MOSMO: variants seen among roughly 807,000 people sequenced by gnomAD.
MOSMO encodes modulator of smoothened protein.
A neutral mutation model predicts 18.4 loss-of-function variants in MOSMO; 5 were observed. The observed-to-expected ratio is 0.27, with a 90% confidence interval of 0.14 to 0.57. MOSMO has a LOEUF of 0.57. Ranked by LOEUF, MOSMO falls within the 20% of genes least tolerant of loss-of-function variation. MOSMO has a pLI of 0.92. For missense variants in MOSMO, 138 were observed against 211.8 expected, an observed-to-expected ratio of 0.65 and a Z score of 2.16; for synonymous variants, 82 against 82.3, an observed-to-expected ratio of 1.00 and a Z score of 0.02.
intron 1 of MOSMO, among the ~76,000 whole-genome samples, chr16:22,020,699 G>A (rs1899742631): frequency 2.0e-5 from 3 of 152,178 alleles, no homozygotes; most frequent in African/African-American, 7.2e-5. Context: ...AGTCCATGTT[G>A]TAGTTGAAAT....
chr16:22,074,336 A>G (rs1194387046), intron 1 of MOSMO, among the ~76,000 whole-genome samples: 2 of 152,190 alleles, frequency 1.3e-5, no homozygotes, highest in African/African-American at 2.4e-5. Context: ...CTGGAAGGCC[A>G]AGGCGGGAGG....
intron 1 of MOSMO, among the ~76,000 whole-genome samples, chr16:22,028,198 C>T (rs1211077063): frequency 6.6e-6 from 1 of 152,018 alleles, no homozygotes; most frequent in Non-Finnish European, 1.5e-5. Context: ...ATACCAAACA[C>T]ACGTGTGCGT....
At chr16:22,065,203 C>T (rs1900726544) in intron 1 of MOSMO, among the ~76,000 whole-genome samples, 1 of 152,144 alleles carries the variant, frequency 6.6e-6, no homozygotes, top group Admixed American at 6.5e-5. Flanking sequence ...CTCCAAACTA[C>T]AGTCATGCTT....
rs1301953931 is a variant in MOSMO at position 22,084,566 on chromosome 16, CT to C, written c.*3687del. The C allele has an allele frequency of 6.6e-6, 1 of 152,134 alleles. No homozygotes were observed. Among genetic ancestry groups the C allele is most frequent in the Non-Finnish European group, 1.5e-5 (1 of 68,020 alleles). 9.4% of individuals were successfully genotyped at this position (152,134 alleles called of 1,614,324 possible). On this transcript the variant is annotated 3_prime_UTR_variant, in exon 3 of 3. Coordinates refer to ENST00000542527, the MANE Select transcript of MOSMO (RefSeq NM_001164579.2). Reference sequence around the variant, plus strand: ...GTTTCAAAACAAATTGTTAATACAACTGTATAAAATGAACATAATTTTCCTC... The same window carrying C: ...GTTTCAAAACAAATTGTTAATACAACGTATAAAATGAACATAATTTTCCTC...
At chr16:22,020,857 G>A (rs543850818) in intron 1 of MOSMO, among the ~76,000 whole-genome samples, 1 of 152,290 alleles carries the variant, frequency 6.6e-6, no homozygotes, top group Non-Finnish European at 1.5e-5. Context: ...TTCCTCCTAT[G>A]TGATATAGTT....
chr16:22,043,501 C>T (rs1376032677), intron 1 of MOSMO, among the ~76,000 whole-genome samples: 1 of 152,156 alleles, frequency 6.6e-6, no homozygotes, highest in Non-Finnish European at 1.5e-5. Context: ...ATTTATTGAG[C>T]ACCTCTTTTA....
chr16:22,085,944 T>C (rs1901164920), downstream of MOSMO: 1 of 152,168 alleles, frequency 6.6e-6, no homozygotes, highest in Non-Finnish European at 1.5e-5. Flanking sequence ...AAGAGATTTT[T>C]CACAAGACTA....
rs1900959990 is a variant in MOSMO, at chr16:22,075,988, G to C, written c.319+289G>C. 6 of 318,806 alleles carry C rather than the reference G, an allele frequency of 1.9e-5. No homozygotes were observed. The South Asian group carries it at 1.9e-4, about 10-fold the overall frequency. The allele number at this position is 318,806 out of a possible 1,614,324, so 19.7% of individuals were successfully genotyped here. ...CCAGGTTTGTGACTCAGAGTTACCA[G>C]TAGCCTGAGTCTTTTCCTCTTCTTG... On this transcript the variant is annotated intron_variant, in intron 2 of 2. Coordinates refer to ENST00000542527, the MANE Select transcript of MOSMO (RefSeq NM_001164579.2).
intron 1 of MOSMO, among the ~76,000 whole-genome samples, chr16:22,012,818 G>A (rs953046781): frequency 6.6e-6 from 1 of 150,808 alleles, no homozygotes; most frequent in African/African-American, 2.4e-5. Flanking sequence ...ACCATACTTT[G>A]GACAGCAGAG....
intron 1 of MOSMO, among the ~76,000 whole-genome samples, chr16:22,041,309 A>G (rs575353320): frequency 9.9e-5 from 15 of 152,282 alleles, no homozygotes; most frequent in Non-Finnish European, 1.5e-4. Context: ...ACAGAAGCAT[A>G]GTTTAGAGAG....
At chr16:22,062,364 C>T (rs746073302) in intron 1 of MOSMO, among the ~76,000 whole-genome samples, 20 of 151,856 alleles carry the variant, frequency 1.3e-4, no homozygotes, top group Non-Finnish European at 2.4e-4. Flanking sequence ...TCTCTGTCAC[C>T]CAGGATGGAG....
rs915616422 is a variant in MOSMO, at chr16:22,024,015, A to ATATATATATATATT, written c.106+15609_106+15610insATATATATATATTT. 2.9e-4 allele frequency among the ~76,000 whole-genome samples: 39 copies of ATATATATATATATT among 136,394 alleles called. No individual in the cohort carries two copies. In the South Asian group the frequency reaches 8.9e-3, roughly 31 times the overall value. The allele number at this position is 136,394 out of a possible 152,430, so 89.5% of individuals were successfully genotyped here. A position where few individuals can be genotyped will look rare whatever the true frequency, so the allele number is the denominator to read the frequency against. On this transcript the variant is annotated intron_variant, in intron 1 of 2. Transcript: ENST00000542527. The stretch of plus-strand genomic sequence containing the variant: ...GTACAAATTATATATATATATATAT[A>ATATATATATATATT]TTTTCTTAAGAAACTTAGTTTATCC...
At chr16:22,013,018 C>T (rs750233946) in intron 1 of MOSMO, among the ~76,000 whole-genome samples, 4 of 152,014 alleles carry the variant, frequency 2.6e-5, no homozygotes, top group Non-Finnish European at 5.9e-5. Context: ...TTAGTGTAAC[C>T]AGAAATATTA....
At chr16:22,045,931 G>A (rs563616230) in intron 1 of MOSMO, among the ~76,000 whole-genome samples, 1 of 151,804 alleles carries the variant, frequency 6.6e-6, no homozygotes, top group South Asian at 2.1e-4. Context: ...CAACGTGCAG[G>A]TTAGTTACAT....
intron 1 of MOSMO, among the ~76,000 whole-genome samples, chr16:22,048,195 A>C (rs1165937726): frequency 1.3e-5 from 2 of 152,240 alleles, no homozygotes; most frequent in Admixed American, 1.3e-4. Context: ...TGTAAGAAAG[A>C]TGTTACTCTA....
intron 1 of MOSMO, among the ~76,000 whole-genome samples, chr16:22,051,330 G>A (rs956978857): frequency 3.3e-5 from 5 of 151,924 alleles, no homozygotes; most frequent in Admixed American, 2.6e-4. Flanking sequence ...AGAAGTTGCA[G>A]TGAGCCAAGA....
intron 1 of MOSMO, among the ~76,000 whole-genome samples, chr16:22,030,205 G>C (rs1256019968): frequency 1.3e-5 from 2 of 152,240 alleles, no homozygotes; most frequent in East Asian, 3.9e-4. Flanking sequence ...GAATTGATAA[G>C]AATGCACTGA....
chr16:22,030,833 TTTATTA>T (rs1023682519), intron 1 of MOSMO, among the ~76,000 whole-genome samples: 1 of 152,158 alleles, frequency 6.6e-6, no homozygotes, highest in African/African-American at 2.4e-5. Context: ...CCAGTCTTTT[TTTATTA>T]TTATTATTTT....
intron 1 of MOSMO, among the ~76,000 whole-genome samples, chr16:22,073,768 G>C (rs1204009720): frequency 6.6e-6 from 1 of 151,402 alleles, no homozygotes; most frequent in African/African-American, 2.4e-5. Flanking sequence ...AGAAGGTGGT[G>C]TGTGGCATAG....
Sources: allele counts gnomAD v4.1 joint callset (sites outside exome capture counted in the v4.1 genomes callset), GRCh38; gene constraint gnomAD v4.1.1; transcripts MANE v1.5; gene names NCBI Gene and HGNC (gene_info 2026-07-23, HGNC 2026-07-21).